The following RAB3GAP1 variants were observed in gnomAD, a reference collection of about 807,000 sequenced individuals.
The protein encoded by RAB3GAP1 is rab3 GTPase-activating protein catalytic subunit.
RAB3GAP1 carries 86 observed loss-of-function variants against 130.7 expected under a neutral mutation model. The observed-to-expected ratio is 0.66, with a 90% confidence interval of 0.55 to 0.79. The LOEUF is 0.79. Ranked by LOEUF, RAB3GAP1 falls within the 30% of genes least tolerant of loss-of-function variation. RAB3GAP1 has a pLI of 0.00. For missense variants in RAB3GAP1, 1,029 were observed against 1,169.4 expected, an observed-to-expected ratio of 0.88 and a Z score of 1.75; for synonymous variants, 367 against 401.7, an observed-to-expected ratio of 0.91 and a Z score of 1.03.
At chr2:135,117,819 T>TTC (rs1558784946) in intron 7 of RAB3GAP1, among the ~76,000 whole-genome samples, 2 of 120,504 alleles carry the variant, frequency 1.7e-5, no homozygotes, top group African/African-American at 4.0e-5. Context: ...TTTCTTCTTC[T>TTC]TTCTTCTTCT....
intron 24 of RAB3GAP1, chr2:135,175,740 T>C (rs1030059135): frequency 2.6e-5 from 4 of 152,152 alleles, no homozygotes; most frequent in South Asian, 2.1e-4. Context: ...AAAGTGGCCA[T>C]AGAGCTAATT....
chr2:135,105,236 C>T (rs1690563181), intron 5 of RAB3GAP1, among the ~76,000 whole-genome samples: 1 of 121,250 alleles, frequency 8.2e-6, no homozygotes, highest in Non-Finnish European at 1.7e-5. Context: ...CCTCCCGCTC[C>T]CCCCTTCCCC....
At chr2:135,122,359 A>G (rs1014386889) in intron 8 of RAB3GAP1, among the ~76,000 whole-genome samples, 1 of 148,088 alleles carries the variant, frequency 6.8e-6, no homozygotes, top group Non-Finnish European at 1.5e-5. Flanking sequence ...AGAAGTTTCC[A>G]TTCTTATCTT....
At chr2:135,124,501 T>C (rs1691293409) in intron 9 of RAB3GAP1, among the ~76,000 whole-genome samples, 1 of 152,018 alleles carries the variant, frequency 6.6e-6, no homozygotes. Flanking sequence ...CCATCTCTAC[T>C]AAAGAATGTC....
intron 11 of RAB3GAP1, 123 bp downstream of exon 11, chr2:135,126,779 C>A: frequency 1.2e-6 from 1 of 835,640 alleles, no homozygotes; most frequent in Non-Finnish European, 2.1e-6. Context: ...GGAAAAAAAT[C>A]ATTGCCAATA....
chr2:135,138,107 A>G (rs1691728446), intron 17 of RAB3GAP1, among the ~76,000 whole-genome samples: 1 of 151,912 alleles, frequency 6.6e-6, no homozygotes, highest in African/African-American at 2.4e-5. Context: ...GATTACAGAC[A>G]TGATCCACTG....
At chr2:135,086,586 C>T (rs1190753381) in intron 3 of RAB3GAP1, among the ~76,000 whole-genome samples, 1 of 150,408 alleles carries the variant, frequency 6.6e-6, no homozygotes, top group African/African-American at 2.4e-5. Context: ...TTTTTATTAT[C>T]CTCATATATC....
intron 5 of RAB3GAP1, among the ~76,000 whole-genome samples, chr2:135,112,078 G>A (rs1690818357): frequency 6.6e-6 from 1 of 152,200 alleles, no homozygotes; most frequent in Non-Finnish European, 1.5e-5. Flanking sequence ...CATATGCATG[G>A]CCATACAACT....
intron 3 of RAB3GAP1, among the ~76,000 whole-genome samples, chr2:135,079,914 G>T (rs1031078074): frequency 1.3e-5 from 2 of 152,146 alleles, no homozygotes; most frequent in Non-Finnish European, 2.9e-5. Context: ...CGGATCACGA[G>T]GTCAGGAGAT....
At chr2:135,065,615 A>AT (rs1350621072) in intron 3 of RAB3GAP1, among the ~76,000 whole-genome samples, 1 of 151,898 alleles carries the variant, frequency 6.6e-6, no homozygotes, top group African/African-American at 2.4e-5. Flanking sequence ...TTCCTTTTCA[A>AT]TTTTTTTGTG....
intron 6 of RAB3GAP1, among the ~76,000 whole-genome samples, chr2:135,114,203 G>C (rs557129103): frequency 6.6e-6 from 1 of 152,222 alleles, no homozygotes; most frequent in African/African-American, 2.4e-5. Context: ...ACAATTCAAT[G>C]TATATCTGGA....
At chr2:135,060,306 C>G (rs1256295897) in intron 3 of RAB3GAP1, among the ~76,000 whole-genome samples, 2 of 141,802 alleles carry the variant, frequency 1.4e-5, no homozygotes, top group African/African-American at 5.4e-5. Context: ...GTTGCCCAGG[C>G]TGAAGTGCAG....
chr2:135,079,369 CCTT>C (rs1233753417), intron 3 of RAB3GAP1, among the ~76,000 whole-genome samples: 1 of 152,144 alleles, frequency 6.6e-6, no homozygotes, highest in Non-Finnish European at 1.5e-5. Flanking sequence ...TTGTTTTTCT[CCTT>C]CTAGTGTGTT....
At chr2:135,096,238 A>G (rs1213900673) in intron 5 of RAB3GAP1, among the ~76,000 whole-genome samples, 1 of 152,240 alleles carries the variant, frequency 6.6e-6, no homozygotes, top group African/African-American at 2.4e-5. Context: ...GGAAGTTTAC[A>G]TACTGGTTTG....
At chr2:135,083,284 TTAAG>T (rs1417663687) in intron 3 of RAB3GAP1, among the ~76,000 whole-genome samples, 1 of 152,184 alleles carries the variant, frequency 6.6e-6, no homozygotes, top group Non-Finnish European at 1.5e-5. Flanking sequence ...ATTCATCGCA[TTAAG>T]TTTTTGTGTG....
chr2:135,096,123 G>A (rs1166656834), intron 5 of RAB3GAP1, among the ~76,000 whole-genome samples: 2 of 152,140 alleles, frequency 1.3e-5, no homozygotes, highest in African/African-American at 2.4e-5. Flanking sequence ...GTTATTCCAA[G>A]TGTCTGTGAA....
chr2:135,156,097 T>C (rs1238842622), intron 19 of RAB3GAP1, among the ~76,000 whole-genome samples: 1 of 152,134 alleles, frequency 6.6e-6, no homozygotes, highest in Non-Finnish European at 1.5e-5. Context: ...TTAGACAATT[T>C]CCTAGGGAAA....
intron 17 of RAB3GAP1, among the ~76,000 whole-genome samples, chr2:135,145,399 TACACAC>T (rs10603690): frequency 2.9e-3 from 421 of 147,110 alleles, no homozygotes; most frequent in African/African-American, 9.1e-3. Flanking sequence ...CACACACACA[TACACAC>T]ACACACACAC....
At chr2:135,128,734 G>T (rs1691427137) in intron 11 of RAB3GAP1, among the ~76,000 whole-genome samples, 1 of 152,130 alleles carries the variant, frequency 6.6e-6, no homozygotes. Context: ...GAATTAGTTG[G>T]TGAATTATAA....
Sources: allele counts gnomAD v4.1 joint callset (sites outside exome capture counted in the v4.1 genomes callset), GRCh38; gene constraint gnomAD v4.1.1; transcripts MANE v1.5; gene names NCBI Gene and HGNC (gene_info 2026-07-23, HGNC 2026-07-21).